The following GDI2 variants were observed in gnomAD, a reference collection of about 807,000 sequenced individuals.
GDI2 encodes rab GDP dissociation inhibitor beta.
In GDI2, 22 loss-of-function variants were observed where a neutral mutation model predicts 54.2. The ratio of observed to expected loss-of-function variants is 0.41; its 90% CI spans 0.29 to 0.58. The LOEUF (loss-of-function observed/expected upper bound fraction) is 0.58, where lower values mean the gene tolerates loss of function less well. Among genes scored for constraint, GDI2 ranks in the 20% least tolerant of loss-of-function variants. The pLI is 0.35. For synonymous variants in GDI2, 177 were observed against 182.1 expected, an observed-to-expected ratio of 0.97 and a Z score of 0.23; for missense variants, 422 against 546.0, an observed-to-expected ratio of 0.77 and a Z score of 2.26.
At chr10:5,803,867 G>A (rs1321478550) in intron 1 of GDI2, among the ~76,000 whole-genome samples, 2 of 152,098 alleles carry the variant, frequency 1.3e-5, no homozygotes, top group Non-Finnish European at 2.9e-5. Context: ...GAAATTCCAT[G>A]TATCTTTATA....
chr10:5,795,718 C>G (rs1177173721), intron 3 of GDI2, among the ~76,000 whole-genome samples: 1 of 151,910 alleles, frequency 6.6e-6, no homozygotes. Flanking sequence ...TTGTTTGAGC[C>G]CAAGAGTCCA....
intron 4 of GDI2, among the ~76,000 whole-genome samples, chr10:5,794,188 A>AAAAAAAAAAAAAAATAT (rs1448053813): frequency 2.5e-5 from 1 of 40,338 alleles, no homozygotes; most frequent in African/African-American, 1.0e-4. Context: ...AAAAAAAAAA[A>AAAAAAAAAAAAAAATAT]ATATATATAT....
At chr10:5,775,370 C>T (rs916762662) in intron 6 of GDI2, among the ~76,000 whole-genome samples, 1 of 152,210 alleles carries the variant, frequency 6.6e-6, no homozygotes, top group African/African-American at 2.4e-5. Context: ...TGAAGAAACT[C>T]TTGAAAGGAA....
intron 1 of GDI2, among the ~76,000 whole-genome samples, chr10:5,806,206 G>A (rs1029416732): frequency 2.0e-5 from 3 of 152,058 alleles, no homozygotes; most frequent in Non-Finnish European, 2.9e-5. Flanking sequence ...TTTAATTTTA[G>A]CCATTCTAGT....
chr10:5,785,145 G>C lies in GDI2; in HGVS notation c.716C>G (p.Ala239Gly). The C allele has an allele frequency of 6.3e-7, 1 of 1,585,514 alleles. No individual in the cohort carries two copies. The change falls in exon 6 of 11, where the codon GCA becomes GGA. Residue 239 changes from alanine (A) to glycine (G), a missense_variant. By Grantham distance (60) the Ala-to-Gly change is moderately conservative. Coordinates refer to ENST00000380191, the MANE Select transcript of GDI2 (RefSeq NM_001494.4). ...GGTTTTAAACACAGGCTCTTACCTT[G>C]CAAATCCTTGGGGCAGTTCTCCAAG... ...YGLGELPQGF[A>G]RLSAIYGGTY...
chr10:5,795,323 T>C (rs10752111), intron 3 of GDI2, among the ~76,000 whole-genome samples: 82,099 of 151,538 alleles, frequency 0.54, 22,841 homozygotes, highest in Middle Eastern at 0.67. Flanking sequence ...GGTTTTGCCA[T>C]GTTGCCCAGG....
At chr10:5,779,834 A>G (rs1280819982) in intron 6 of GDI2, among the ~76,000 whole-genome samples, 1 of 151,952 alleles carries the variant, frequency 6.6e-6, no homozygotes, top group Non-Finnish European at 1.5e-5. Context: ...CTGGGACTAC[A>G]GGCATGCATC....
At chr10:5,789,929 T>C (rs1028873133) in intron 4 of GDI2, among the ~76,000 whole-genome samples, 12 of 152,252 alleles carry the variant, frequency 7.9e-5, no homozygotes, top group African/African-American at 2.4e-4. Context: ...TAAAACTCTA[T>C]GTGACAATAA....
intron 4 of GDI2, among the ~76,000 whole-genome samples, chr10:5,791,531 T>C (rs1032440122): frequency 6.6e-6 from 1 of 152,132 alleles, no homozygotes; most frequent in Non-Finnish European, 1.5e-5. Flanking sequence ...ACGGATCATC[T>C]GAGGTCGGGA....
intron 2 of GDI2, among the ~76,000 whole-genome samples, chr10:5,799,766 A>C (rs1156948456): frequency 6.6e-6 from 1 of 152,244 alleles, no homozygotes; most frequent in Non-Finnish European, 1.5e-5. Flanking sequence ...ATATAATGGT[A>C]TTATGCTTAT....
intron 1 of GDI2, among the ~76,000 whole-genome samples, chr10:5,811,242 AG>A (rs775274295): frequency 3.3e-5 from 5 of 152,204 alleles, no homozygotes; most frequent in Non-Finnish European, 7.4e-5. Context: ...AGAACATCTC[AG>A]AAAACTTAGG....
At chr10:5,809,220 G>C (rs1396334842) in intron 1 of GDI2, among the ~76,000 whole-genome samples, 3 of 140,622 alleles carry the variant, frequency 2.1e-5, no homozygotes, top group African/African-American at 5.2e-5. Context: ...ACTCCAGCCT[G>C]GGCAACAGAG....
rs917103622 is a variant in GDI2 at position 5,774,281 on chromosome 10, T to C, written c.720-340A>G. Among the ~76,000 whole-genome samples, 1 of 152,158 alleles carries C rather than the reference T, an allele frequency of 6.6e-6. No individual in the cohort carries two copies. Among genetic ancestry groups the C allele is most frequent in the African/African-American group, 2.4e-5 (1 of 41,426 alleles). Reference sequence around the variant, plus strand: ...CTCTAAAACTTGCCTCAGTCTCTCCTTCTACCTTATGCCCCTTGGTCATTC... The same window carrying C: ...CTCTAAAACTTGCCTCAGTCTCTCCCTCTACCTTATGCCCCTTGGTCATTC... On this transcript the variant is annotated intron_variant, in intron 6 of 10. Transcript: ENST00000380191. The surrounding 1 kb of genome is among the most constrained non-coding windows in gnomAD (Gnocchi z 4.8).
intron 6 of GDI2, among the ~76,000 whole-genome samples, chr10:5,775,854 A>G (rs1015061606): frequency 1.3e-5 from 2 of 152,210 alleles, no homozygotes; most frequent in Non-Finnish European, 2.9e-5. Flanking sequence ...GCGTGGCAGC[A>G]GCAGCAGCGC....
At chr10:5,806,638 G>A (rs1841386494) in intron 1 of GDI2, among the ~76,000 whole-genome samples, 1 of 151,772 alleles carries the variant, frequency 6.6e-6, no homozygotes, top group African/African-American at 2.4e-5. Flanking sequence ...TTCATAAAAG[G>A]AAATGAAGGT....
chr10:5,784,330 G>A (rs1208155741), intron 6 of GDI2, among the ~76,000 whole-genome samples: 2 of 152,044 alleles, frequency 1.3e-5, no homozygotes, highest in African/African-American at 2.4e-5. Flanking sequence ...TTCATATCCT[G>A]TATCACTTTT....
At chr10:5,800,066 A>G (rs956596603) in intron 2 of GDI2, among the ~76,000 whole-genome samples, 1 of 152,238 alleles carries the variant, frequency 6.6e-6, no homozygotes, top group African/African-American at 2.4e-5. Context: ...CACAGTACAC[A>G]TCATATCCAT....
Position 5,776,437 on chromosome 10 carries a change from A to G in GDI2, c.720-2496T>C. The G allele has an allele frequency of 1.2e-6, 1 of 828,426 alleles. No individual in the cohort carries two copies. The highest frequency in any genetic ancestry group is 2.1e-6 in the Non-Finnish European group (1 of 468,922). The allele number at this position is 828,426 out of a possible 1,614,324, so 51.3% of individuals were successfully genotyped here. A position where few individuals can be genotyped will look rare whatever the true frequency, so the allele number is the denominator to read the frequency against. ...CAAGGGATCTTTGACAGGGATCCAGACACGCTACTATTTTTACTTTAGCAA... is the reference window on the plus strand; with the variant it reads ...CAAGGGATCTTTGACAGGGATCCAGGCACGCTACTATTTTTACTTTAGCAA... On this transcript the variant is annotated intron_variant, in intron 6 of 10. Transcript: ENST00000380191. This position sits in a 1 kb window ranked among gnomAD's most constrained non-coding sequence, Gnocchi z 5.3.
At chr10:5,802,441 A>T (rs541934962) in intron 1 of GDI2, among the ~76,000 whole-genome samples, 1 of 152,034 alleles carries the variant, frequency 6.6e-6, no homozygotes, top group Non-Finnish European at 1.5e-5. Context: ...TCTACTAAAA[A>T]TACAAAACTT....
Sources: allele counts gnomAD v4.1 joint callset (sites outside exome capture counted in the v4.1 genomes callset), GRCh38; gene constraint gnomAD v4.1.1; non-coding constraint Gnocchi (gnomAD v3.1); transcripts MANE v1.5; gene names NCBI Gene and HGNC (gene_info 2026-07-23, HGNC 2026-07-21).